The following DSCAM variants were observed in gnomAD, a reference collection of about 807,000 sequenced individuals.
The protein encoded by DSCAM is DS cell adhesion molecule, also known as cell adhesion molecule DSCAM.
A neutral mutation model predicts 217.7 loss-of-function variants in DSCAM; 47 were observed. The ratio of observed to expected loss-of-function variants is 0.22; its 90% CI spans 0.17 to 0.28. The LOEUF (loss-of-function observed/expected upper bound fraction) is 0.28, where lower values mean the gene tolerates loss of function less well. Among genes scored for constraint, DSCAM ranks in the 10% least tolerant of loss-of-function variants. DSCAM has a pLI of 1.00. For missense variants in DSCAM, 2,080 were observed against 2,618.3 expected (o/e 0.79, Z 4.49); for synonymous variants, 1,056 against 1,015.3 (o/e 1.04, Z -0.76).
chr21:40,390,601 C>T (rs2075125239), intron 3 of DSCAM, among the ~76,000 whole-genome samples: 1 of 152,128 alleles, frequency 6.6e-6, no homozygotes, highest in Admixed American at 6.5e-5. Context: ...ATTGGCAGGT[C>T]CGTACCTACT....
At chr21:40,734,592 T>G (rs142464472) in intron 1 of DSCAM, among the ~76,000 whole-genome samples, 14 of 152,280 alleles carry the variant, frequency 9.2e-5, no homozygotes, top group African/African-American at 2.4e-4. Flanking sequence ...CTCAATCTGC[T>G]TCTTCGAATG....
At chr21:40,830,444 T>C (rs2092003651) in intron 1 of DSCAM, among the ~76,000 whole-genome samples, 1 of 152,176 alleles carries the variant, frequency 6.6e-6, no homozygotes, top group Non-Finnish European at 1.5e-5. Context: ...CAACTGGACA[T>C]GAGATTTGGG....
chr21:40,817,084 TTC>T (rs959959822), intron 1 of DSCAM, among the ~76,000 whole-genome samples: 68 of 119,844 alleles, frequency 5.7e-4, no homozygotes, highest in African/African-American at 1.9e-3. Flanking sequence ...GTAAATTAGA[TTC>T]TTTTTTTTTT....
chr21:40,175,050 T>C (rs1048226021), intron 15 of DSCAM, among the ~76,000 whole-genome samples: 2 of 152,210 alleles, frequency 1.3e-5, no homozygotes, highest in African/African-American at 4.8e-5. Context: ...CTTAGTCTTT[T>C]GGGGCTGCTA....
chr21:40,102,299 G>A (rs964366455), intron 20 of DSCAM, among the ~76,000 whole-genome samples: 1 of 152,132 alleles, frequency 6.6e-6, no homozygotes, highest in Non-Finnish European at 1.5e-5. Flanking sequence ...CTTCTGACAT[G>A]TTTGCCTCCC....
At chr21:40,181,589 C>T (rs77862822) in intron 14 of DSCAM, among the ~76,000 whole-genome samples, 3,926 of 152,072 alleles carry the variant, frequency 0.026, 172 homozygotes, top group African/African-American at 0.09. Flanking sequence ...CCTGTGTTAT[C>T]TCCAAGTTCA....
intron 28 of DSCAM, among the ~76,000 whole-genome samples, chr21:40,056,980 G>A (rs1191720783): frequency 6.6e-6 from 1 of 152,166 alleles, no homozygotes; most frequent in East Asian, 1.9e-4. Context: ...ACCAAGTGGT[G>A]GACAGAACTT....
chr21:40,454,436 T>C (rs1173057211), intron 3 of DSCAM, among the ~76,000 whole-genome samples: 2 of 152,194 alleles, frequency 1.3e-5, no homozygotes, highest in African/African-American at 4.8e-5. Context: ...ACACTCAATT[T>C]TCAATTACCC....
chr21:40,180,229 C>T (rs2090784395), intron 14 of DSCAM, among the ~76,000 whole-genome samples: 1 of 152,190 alleles, frequency 6.6e-6, no homozygotes. Flanking sequence ...ATCACTTTGT[C>T]ACACTAAGGG....
chr21:40,770,700 C>T (rs2091436692), intron 1 of DSCAM, among the ~76,000 whole-genome samples: 1 of 152,132 alleles, frequency 6.6e-6, no homozygotes. Context: ...AACAACCCTA[C>T]AGGAGGCGAA....
intron 11 of DSCAM, among the ~76,000 whole-genome samples, chr21:40,236,030 G>C (rs1245331783): frequency 6.6e-6 from 1 of 152,154 alleles, no homozygotes; most frequent in Non-Finnish European, 1.5e-5. Flanking sequence ...GAAACACTGT[G>C]GGTTGGAAAT....
intron 1 of DSCAM, among the ~76,000 whole-genome samples, chr21:40,821,106 C>CTTCACATATATATAGATATATATATT (rs2091922262): frequency 7.1e-6 from 1 of 139,924 alleles, no homozygotes. Context: ...ATATATATAT[C>CTTCACATATATATAGATATATATATT]TTCACATATA....
At chr21:40,497,688 A>G (rs1295523455) in intron 3 of DSCAM, among the ~76,000 whole-genome samples, 1 of 152,248 alleles carries the variant, frequency 6.6e-6, no homozygotes, top group Non-Finnish European at 1.5e-5. Flanking sequence ...GCCATTCCCC[A>G]ATGTATACAT....
chr21:40,214,927 A>G (rs1569004127), intron 11 of DSCAM, among the ~76,000 whole-genome samples: 1 of 152,068 alleles, frequency 6.6e-6, no homozygotes, highest in African/African-American at 2.4e-5. Context: ...TCACAGCACA[A>G]TTCACAACTG....
At chr21:40,535,346 A>C (rs1436400133) in intron 3 of DSCAM, among the ~76,000 whole-genome samples, 1 of 152,210 alleles carries the variant, frequency 6.6e-6, no homozygotes, top group Non-Finnish European at 1.5e-5. Flanking sequence ...TCAGACAAAA[A>C]TGCAAACAGA....
At chr21:40,180,335 G>T (rs2090785677) in intron 14 of DSCAM, among the ~76,000 whole-genome samples, 1 of 152,188 alleles carries the variant, frequency 6.6e-6, no homozygotes, top group Admixed American at 6.5e-5. Context: ...CTTAAAGACT[G>T]CTTTTGGATA....
chr21:40,353,652 G>A lies in DSCAM; in HGVS notation c.747C>T (p.Leu249=), dbSNP rs41367350. The A allele has an allele frequency of 9.8e-3, 15,762 of 1,611,572 alleles. 547 individuals carry two copies. In the East Asian group the frequency reaches 0.12, roughly 12 times the overall value. Residue 249 remains leucine, a synonymous_variant, in exon 5 of 33, where the codon CTC becomes CTT. Transcript: ENST00000400454. ...AGCGGTAATCTGGCTCAGGGTGCCC[G>A]AGCGCTTTGCAAGGCAGCTCCACAC... is the stretch of plus-strand genomic sequence containing the variant. ...GQRVELPCKA[L]GHPEPDYRWL...
intron 19 of DSCAM, among the ~76,000 whole-genome samples, chr21:40,128,440 G>A (rs2090118937): frequency 6.6e-6 from 1 of 151,910 alleles, no homozygotes; most frequent in South Asian, 2.1e-4. Context: ...AAGGTGAAGG[G>A]CTTGTTCAGG....
chr21:40,684,242 A>G (rs1347504128), intron 3 of DSCAM, among the ~76,000 whole-genome samples: 1 of 152,134 alleles, frequency 6.6e-6, no homozygotes, highest in Non-Finnish European at 1.5e-5. Context: ...GAAAAAAGAA[A>G]AAAGAAACCG....
Sources: gnomAD v4.1 joint callset for allele counts (sites outside exome capture counted in the v4.1 genomes callset) on GRCh38, gnomAD v4.1.1 for gene constraint, MANE v1.5 for transcripts, NCBI Gene and HGNC (gene_info 2026-07-23, HGNC 2026-07-21) for gene names.